The following GFOD2 variants were observed in gnomAD, a reference collection of about 807,000 sequenced individuals.
The protein encoded by GFOD2 is glucose-fructose oxidoreductase domain-containing protein 2.
In GFOD2, 9 loss-of-function variants were observed where a neutral mutation model predicts 24.6. That is an observed-to-expected ratio of 0.37 (90% CI 0.22 to 0.64). GFOD2 has a LOEUF of 0.64. GFOD2 is among the 30% of genes least tolerant of loss of function. GFOD2 has a pLI of 0.65. For synonymous variants in GFOD2, 211 were observed against 224.8 expected (o/e 0.94, Z 0.55); for missense variants, 476 against 532.5 (o/e 0.89, Z 1.04).
At chr16:67,700,992 G>C (rs1337730852) in intron 1 of GFOD2, among the ~76,000 whole-genome samples, 1 of 149,036 alleles carries the variant, frequency 6.7e-6, no homozygotes, top group South Asian at 2.1e-4. Flanking sequence ...AGCCGAGATT[G>C]TGCCACTGCT....
At chr16:67,699,017 C>A (rs1046288494) in intron 1 of GFOD2, among the ~76,000 whole-genome samples, 1 of 151,878 alleles carries the variant, frequency 6.6e-6, no homozygotes, top group Non-Finnish European at 1.5e-5. Flanking sequence ...AACTTAGGCA[C>A]AAAAATCCTC....
At chr16:67,677,948 G>C (rs1019724991) in intron 2 of GFOD2, 1 of 152,226 alleles carries the variant, frequency 6.6e-6, no homozygotes, top group Non-Finnish European at 1.5e-5. Flanking sequence ...TGCATCTTCA[G>C]TAACCATGGT....
chr16:67,707,058 CAAAA>C (rs34823143), intron 1 of GFOD2, among the ~76,000 whole-genome samples: 1 of 102,876 alleles, frequency 9.7e-6, no homozygotes. Context: ...GACTCCATCT[CAAAA>C]AAAAAAAAAA....
At chr16:67,699,887 C>T (rs2053389253) in intron 1 of GFOD2, among the ~76,000 whole-genome samples, 1 of 151,970 alleles carries the variant, frequency 6.6e-6, no homozygotes. Context: ...CAAGACCAGC[C>T]TGGTGAACAT....
At chr16:67,698,127 G>C (rs887013691) in intron 1 of GFOD2, among the ~76,000 whole-genome samples, 1 of 152,188 alleles carries the variant, frequency 6.6e-6, no homozygotes, top group African/African-American at 2.4e-5. Context: ...CGAGCAGGAG[G>C]AAAGGCCAAG....
At chr16:67,702,893 C>T (rs867270867) in intron 1 of GFOD2, among the ~76,000 whole-genome samples, 6 of 151,998 alleles carry the variant, frequency 3.9e-5, no homozygotes, top group Middle Eastern at 6.8e-3. Flanking sequence ...ACACTGCGCC[C>T]GGCCAGTAGC....
chr16:67,691,515 C>A (rs552398320), intron 1 of GFOD2, among the ~76,000 whole-genome samples: 10 of 148,274 alleles, frequency 6.7e-5, no homozygotes, highest in East Asian at 5.8e-4. Context: ...TAGACCCCCC[C>A]CCAAAAAAAA....
Position 67,675,259 on chromosome 16 carries a change from T to C in GFOD2, c.1054A>G (p.Lys352Glu). Residue 352 changes from lysine (K) to glutamate (E), a missense_variant, in exon 3 of 3, where the codon AAG becomes GAG. Coordinates refer to ENST00000268797, the MANE Select transcript of GFOD2 (RefSeq NM_030819.4). ...CACTCCCCGGATCGGCTCGACCTCT[T>C]GATGGCATCCACCACGCTCTGCATG... is the stretch of plus-strand genomic sequence containing the variant. ...LYMQSVVDAI[K>E]RSSRSGEWEA... The C allele has an allele frequency of 6.2e-7, 1 of 1,613,182 alleles. No homozygotes were observed. Among genetic ancestry groups the C allele is most frequent in the Non-Finnish European group, 8.5e-7 (1 of 1,180,028 alleles).
intron 1 of GFOD2, among the ~76,000 whole-genome samples, chr16:67,711,267 C>T (rs2053471315): frequency 6.6e-6 from 1 of 152,202 alleles, no homozygotes; most frequent in Admixed American, 6.5e-5. Flanking sequence ...ATCCAGTGGT[C>T]AATTCTCACC....
chr16:67,683,530 T>C, intron 2 of GFOD2: 1 of 1,231,768 alleles, frequency 8.1e-7, no homozygotes, highest in Non-Finnish European at 1.0e-6. Context: ...CTCCCAAGCA[T>C]TTGGTGACCA....
At chr16:67,678,202 C>G (rs983218847) in intron 2 of GFOD2, among the ~76,000 whole-genome samples, 3 of 152,196 alleles carry the variant, frequency 2.0e-5, no homozygotes, top group Admixed American at 1.3e-4. Flanking sequence ...CTTGGCTGGG[C>G]ATGGTGGCTC....
intron 1 of GFOD2, among the ~76,000 whole-genome samples, chr16:67,696,149 G>A (rs925184435): frequency 7.3e-5 from 11 of 151,710 alleles, no homozygotes; most frequent in Admixed American, 7.2e-4. Flanking sequence ...AAGTAGCTGC[G>A]ATTACAGGAG....
Position 67,685,558 on chromosome 16 carries a change from T to C in GFOD2, c.158A>G (p.Tyr53Cys). ...QLAEEMNIAF[Y>C]TSRTDDILLH... The stretch of plus-strand genomic sequence containing the variant: ...CAAGATGTCATCAGTCCGGCTGGTG[T>C]AGAAGGCGATGTTCATCTCCTCAGC... Residue 53 changes from tyrosine to cysteine, a missense_variant, in exon 2 of 3, where the codon TAC (tyrosine) becomes TGC (cysteine). Coordinates refer to ENST00000268797, the MANE Select transcript of GFOD2 (RefSeq NM_030819.4). The C allele has an allele frequency of 6.2e-7, 1 of 1,614,174 alleles. No homozygotes were observed. Among genetic ancestry groups the C allele is most frequent in the Non-Finnish European group, 8.5e-7 (1 of 1,180,022 alleles).
chr16:67,710,211 G>A (rs1025837688), intron 1 of GFOD2, among the ~76,000 whole-genome samples: 2 of 151,450 alleles, frequency 1.3e-5, no homozygotes, highest in Non-Finnish European at 2.9e-5. Flanking sequence ...CTGTAGCCTC[G>A]AACTCCTGGG....
chr16:67,686,813 G>T (rs1034801146), intron 1 of GFOD2, among the ~76,000 whole-genome samples: 1 of 151,836 alleles, frequency 6.6e-6, no homozygotes, highest in African/African-American at 2.4e-5. Flanking sequence ...TCCAGCCTGG[G>T]CGACAAGAGT....
intron 1 of GFOD2, among the ~76,000 whole-genome samples, chr16:67,693,403 C>T (rs1423734143): frequency 6.6e-6 from 1 of 151,788 alleles, no homozygotes; most frequent in Non-Finnish European, 1.5e-5. Flanking sequence ...ACTATAGGTG[C>T]GTGTCATCAC....
chr16:67,683,484 C>A, intron 2 of GFOD2: 2 of 1,231,594 alleles, frequency 1.6e-6, no homozygotes, highest in South Asian at 4.1e-5. Context: ...TGACTTAGGT[C>A]TATTTCTGAA....
intron 1 of GFOD2, among the ~76,000 whole-genome samples, chr16:67,696,102 C>A (rs2053357001): frequency 1.3e-5 from 2 of 151,926 alleles, no homozygotes; most frequent in East Asian, 3.9e-4. Context: ...CAACCTCCAC[C>A]TCCCAGGTTC....
At chr16:67,695,015 C>T (rs1365667326) in intron 1 of GFOD2, among the ~76,000 whole-genome samples, 6 of 115,778 alleles carry the variant, frequency 5.2e-5, no homozygotes, top group Non-Finnish European at 6.7e-5. Flanking sequence ...TTTTTTGAGA[C>T]GGAGTCTCAC....
Sources: allele counts gnomAD v4.1 joint callset (sites outside exome capture counted in the v4.1 genomes callset), GRCh38; gene constraint gnomAD v4.1.1; transcripts MANE v1.5; gene names NCBI Gene and HGNC (gene_info 2026-07-23, HGNC 2026-07-21).